TYR: variants seen among roughly 807,000 people sequenced by gnomAD.
TYR encodes the protein LB24-AB.
Under a neutral mutation model 51.5 loss-of-function variants are expected in TYR, and 58 were observed. The observed-to-expected ratio is 1.13, with a 90% CI of 0.91 to 1.40. The LOEUF (loss-of-function observed/expected upper bound fraction) is 1.40, where lower values mean the gene tolerates loss of function less well. Ranked by LOEUF, TYR falls within the 40% of genes most tolerant of loss-of-function variation. The pLI is 0.00. For synonymous variants in TYR, 263 were observed against 235.2 expected (o/e 1.12, Z -1.08); for missense variants, 732 against 647.4 (o/e 1.13, Z -1.42).
chr11:89,294,641 G>C (rs1175618103), intron 4 of TYR, among the ~76,000 whole-genome samples: 1 of 152,238 alleles, frequency 6.6e-6, no homozygotes, highest in African/African-American at 2.4e-5. Flanking sequence ...CAAGATTTAA[G>C]ACTGTGACCT....
At chr11:89,261,423 C>G (rs1944455141) in intron 3 of TYR, among the ~76,000 whole-genome samples, 1 of 151,714 alleles carries the variant, frequency 6.6e-6, no homozygotes, top group South Asian at 2.1e-4. Flanking sequence ...ATACTAATAC[C>G]AGACAAAACA....
intron 3 of TYR, among the ~76,000 whole-genome samples, chr11:89,254,481 C>A (rs1294102574): frequency 2.0e-5 from 3 of 151,282 alleles, no homozygotes; most frequent in Middle Eastern, 3.2e-3. Context: ...TGGTAATTTC[C>A]TTACCATTTC....
chr11:89,218,749 T>A (rs77844559), intron 2 of TYR, among the ~76,000 whole-genome samples: 3,847 of 152,282 alleles, frequency 0.025, 173 homozygotes, highest in African/African-American at 0.089. Context: ...TTATGCACAC[T>A]TTATAAATGA....
rs181482925 is a variant in TYR, at chr11:89,202,551, G to A, written c.1036+11133G>A. ...CTTGGTTTTAGGGTTTTACATATACGCCAATTTGGCAGTCCTAACGTGTTG... is the reference window on the plus strand; with the variant it reads ...CTTGGTTTTAGGGTTTTACATATACACCAATTTGGCAGTCCTAACGTGTTG... On this transcript the variant is annotated intron_variant, in intron 2 of 4. Transcript: ENST00000263321. Among the ~76,000 whole-genome samples, 511 of 150,960 alleles carry A rather than the reference G, an allele frequency of 3.4e-3. 1 individual carries two copies. Among genetic ancestry groups the A allele is most frequent in the African/African-American group, 6.5e-3 (268 of 41,018 alleles).
chr11:89,216,012 G>A (rs937212077), intron 2 of TYR, among the ~76,000 whole-genome samples: 1 of 151,912 alleles, frequency 6.6e-6, no homozygotes, highest in Admixed American at 6.6e-5. Context: ...CTAGGATTTT[G>A]GTATCTTTAA....
At chr11:89,191,794 G>T (rs1310211489) in intron 2 of TYR, among the ~76,000 whole-genome samples, 1 of 152,174 alleles carries the variant, frequency 6.6e-6, no homozygotes, top group African/African-American at 2.4e-5. Context: ...AGAAGCAGCA[G>T]TAGCAGCTTT....
chr11:89,264,353 C>A (rs1590887424), intron 3 of TYR, among the ~76,000 whole-genome samples: 1 of 151,872 alleles, frequency 6.6e-6, no homozygotes, highest in South Asian at 2.1e-4. Flanking sequence ...ATTTATCAAA[C>A]CTTGGATTAG....
chr11:89,211,680 T>C (rs775217900), intron 2 of TYR, among the ~76,000 whole-genome samples: 17 of 151,652 alleles, frequency 1.1e-4, no homozygotes, highest in Non-Finnish European at 1.5e-4. Flanking sequence ...CACTGTAAAA[T>C]TGACCACATA....
At chr11:89,246,557 T>C (rs1469144238) in intron 3 of TYR, among the ~76,000 whole-genome samples, 1 of 152,196 alleles carries the variant, frequency 6.6e-6, no homozygotes, top group Non-Finnish European at 1.5e-5. Context: ...TGTAGGAATC[T>C]AGTTTAGGTG....
At chr11:89,211,478 G>A (rs947589758) in intron 2 of TYR, among the ~76,000 whole-genome samples, 1 of 152,038 alleles carries the variant, frequency 6.6e-6, no homozygotes, top group African/African-American at 2.4e-5. Flanking sequence ...TACAAAGAGA[G>A]TTAGACTCCC....
At chr11:89,186,765 G>A (rs1051824832) in intron 1 of TYR, among the ~76,000 whole-genome samples, 10 of 152,258 alleles carry the variant, frequency 6.6e-5, no homozygotes, top group South Asian at 2.1e-4. Flanking sequence ...AATTTCCAGT[G>A]TGACTATTTG....
At chr11:89,215,573 T>C (rs1358559814) in intron 2 of TYR, among the ~76,000 whole-genome samples, 1 of 152,146 alleles carries the variant, frequency 6.6e-6, no homozygotes, top group Non-Finnish European at 1.5e-5. Flanking sequence ...TAAATGGCTA[T>C]ATCCCATTGG....
intron 2 of TYR, among the ~76,000 whole-genome samples, chr11:89,201,447 A>G (rs1565395625): frequency 6.6e-6 from 1 of 152,242 alleles, no homozygotes; most frequent in South Asian, 2.1e-4. Flanking sequence ...AATGCAGCAT[A>G]AATAGTGCAT....
intron 3 of TYR, among the ~76,000 whole-genome samples, chr11:89,258,453 A>G (rs974367390): frequency 6.6e-6 from 1 of 151,946 alleles, no homozygotes; most frequent in African/African-American, 2.4e-5. Context: ...TGTGCAAAAA[A>G]AAAAAAAGTG....
At chr11:89,182,029 C>A (rs950495949) in intron 1 of TYR, among the ~76,000 whole-genome samples, 25 of 152,166 alleles carry the variant, frequency 1.6e-4, no homozygotes, top group African/African-American at 5.3e-4. Flanking sequence ...TGATCCACCT[C>A]TGTTACTCAG....
chr11:89,199,965 G>C (rs1485226330), intron 2 of TYR, among the ~76,000 whole-genome samples: 1 of 152,152 alleles, frequency 6.6e-6, no homozygotes, highest in African/African-American at 2.4e-5. Context: ...CAGGCATTAA[G>C]ACATATAGAC....
intron 2 of TYR, among the ~76,000 whole-genome samples, chr11:89,193,375 T>C (rs969550346): frequency 3.3e-5 from 5 of 152,066 alleles, no homozygotes; most frequent in African/African-American, 1.2e-4. Flanking sequence ...CCAGTGGTTT[T>C]CAAGTGAGAG....
intron 2 of TYR, chr11:89,192,163 C>T (rs943339253): frequency 3.5e-4 from 67 of 193,916 alleles, no homozygotes; most frequent in Non-Finnish European, 5.4e-5. Flanking sequence ...AATATTTATC[C>T]TACAAATGTT....
chr11:89,284,419 G>A (rs1315515331), intron 3 of TYR, among the ~76,000 whole-genome samples: 1 of 151,420 alleles, frequency 6.6e-6, no homozygotes, highest in Non-Finnish European at 1.5e-5. Context: ...TCTTTCTCTG[G>A]TCTTTCTTTG....
Sources: gnomAD v4.1 joint callset for allele counts (sites outside exome capture counted in the v4.1 genomes callset) on GRCh38, gnomAD v4.1.1 for gene constraint, MANE v1.5 for transcripts, NCBI Gene and HGNC (gene_info 2026-07-23, HGNC 2026-07-21) for gene names.